CALN1: variants seen among roughly 807,000 people sequenced by gnomAD.
The protein encoded by CALN1 is calneuron 1.
CALN1 carries 17 observed loss-of-function variants against 30.6 expected under a neutral mutation model. The observed-to-expected ratio is 0.56, with a 90% CI of 0.38 to 0.83. CALN1 has a LOEUF of 0.83. CALN1 is among the 40% of genes least tolerant of loss of function. The probability of loss-of-function intolerance (pLI) is 0.00; values close to 1 mark genes in which losing one functional copy is unlikely to be tolerated. For missense variants in CALN1, 291 were observed against 354.9 expected (o/e 0.82, Z 1.45); for synonymous variants, 156 against 131.4 (o/e 1.19, Z -1.28).
chr7:72,360,586 T>A (rs1048108809), intron 2 of CALN1, among the ~76,000 whole-genome samples: 17 of 150,824 alleles, frequency 1.1e-4, no homozygotes, highest in African/African-American at 3.9e-4. Context: ...AAATAAATAC[T>A]GTAACACTTT....
At chr7:72,253,116 T>A (rs1795678491) in intron 3 of CALN1, among the ~76,000 whole-genome samples, 1 of 152,248 alleles carries the variant, frequency 6.6e-6, no homozygotes, top group Non-Finnish European at 1.5e-5. Context: ...CTGGACTTAG[T>A]CTCTTGGCTG....
At chr7:72,029,343 T>C (rs1442300483) in intron 4 of CALN1, among the ~76,000 whole-genome samples, 1 of 152,138 alleles carries the variant, frequency 6.6e-6, no homozygotes, top group African/African-American at 2.4e-5. Flanking sequence ...GCCAATCTTC[T>C]GACCTCGTGA....
intron 6 of CALN1, among the ~76,000 whole-genome samples, chr7:71,808,614 C>G (rs1312214013): frequency 6.6e-6 from 1 of 152,096 alleles, no homozygotes. Context: ...AAAGGCCTTA[C>G]TTCGAATTTA....
chr7:72,411,818 C>G (rs1807176784), intron 1 of CALN1, among the ~76,000 whole-genome samples: 1 of 151,862 alleles, frequency 6.6e-6, no homozygotes. Flanking sequence ...AAGAAAAGAA[C>G]CAAACAATTG....
intron 3 of CALN1, among the ~76,000 whole-genome samples, chr7:72,107,167 A>C (rs893824294): frequency 2.6e-5 from 4 of 152,074 alleles, no homozygotes; most frequent in Admixed American, 6.6e-5. Flanking sequence ...AGCAAAGATG[A>C]GGATTTGGTT....
intron 5 of CALN1, among the ~76,000 whole-genome samples, chr7:71,831,078 A>G (rs1789247446): frequency 6.6e-6 from 1 of 152,000 alleles, no homozygotes; most frequent in African/African-American, 2.4e-5. Flanking sequence ...GAGCTAATGG[A>G]CTCATAATCT....
At chr7:72,171,931 G>C (rs1789001087) in intron 3 of CALN1, among the ~76,000 whole-genome samples, 1 of 152,064 alleles carries the variant, frequency 6.6e-6, no homozygotes. Context: ...AAGAAACTGG[G>C]GTCCAGAAAG....
chr7:72,180,715 C>T (rs1335054817), intron 3 of CALN1, among the ~76,000 whole-genome samples: 1 of 150,902 alleles, frequency 6.6e-6, no homozygotes, highest in Non-Finnish European at 1.5e-5. Context: ...TCAAGTGATC[C>T]TCCAGCCTCA....
chr7:72,466,649 A>T, the CALN1 span, among the ~76,000 whole-genome samples: 1 of 152,130 alleles, frequency 6.6e-6, no homozygotes, highest in South Asian at 2.1e-4. Context: ...AGGCTGAGGC[A>T]GGAGAATTGC....
chr7:72,127,539 G>A (rs2129542626), intron 3 of CALN1, among the ~76,000 whole-genome samples: 1 of 152,286 alleles, frequency 6.6e-6, no homozygotes, highest in East Asian at 1.9e-4. Context: ...TCCAAAGGAT[G>A]ACAGCAGCGG....
intron 5 of CALN1, among the ~76,000 whole-genome samples, chr7:71,813,322 G>A (rs928370323): frequency 6.6e-6 from 1 of 152,114 alleles, no homozygotes; most frequent in Non-Finnish European, 1.5e-5. Flanking sequence ...TGAGATTACA[G>A]GCACTGCACC....
At chr7:72,319,924 T>C (rs754112079) in intron 2 of CALN1, among the ~76,000 whole-genome samples, 8 of 151,992 alleles carry the variant, frequency 5.3e-5, no homozygotes, top group Non-Finnish European at 1.2e-4. Flanking sequence ...CGGGCGATGG[T>C]TACACTAACA....
chr7:71,818,196 G>T (rs1346033991), intron 5 of CALN1, among the ~76,000 whole-genome samples: 1 of 152,054 alleles, frequency 6.6e-6, no homozygotes, highest in African/African-American at 2.4e-5. Flanking sequence ...TGGGGGTGAA[G>T]GGTGGGTCAG....
intron 2 of CALN1, among the ~76,000 whole-genome samples, chr7:72,313,149 TA>T (rs1800176353): frequency 6.6e-6 from 1 of 152,000 alleles, no homozygotes; most frequent in African/African-American, 2.4e-5. Flanking sequence ...ATAAAGTTAC[TA>T]AAATTAAACC....
At chr7:71,790,206 G>C (rs977671329) in intron 6 of CALN1, among the ~76,000 whole-genome samples, 1 of 146,350 alleles carries the variant, frequency 6.8e-6, no homozygotes, top group African/African-American at 2.5e-5. Flanking sequence ...GAGAAACAAA[G>C]AAAGAAAGAA....
chr7:72,461,664 G>A, the CALN1 span, among the ~76,000 whole-genome samples: 1 of 152,178 alleles, frequency 6.6e-6, no homozygotes, highest in Non-Finnish European at 1.5e-5. Flanking sequence ...GAGGGGAGCA[G>A]TTTGCTACTC....
chr7:72,159,847 A>G (rs1787973904), intron 3 of CALN1, among the ~76,000 whole-genome samples: 1 of 152,204 alleles, frequency 6.6e-6, no homozygotes, highest in Admixed American at 6.5e-5. Flanking sequence ...ATATTTAGAA[A>G]GAAGAATTGA....
chr7:71,801,920 G>A (rs1413225272), intron 6 of CALN1, among the ~76,000 whole-genome samples: 1 of 152,000 alleles, frequency 6.6e-6, no homozygotes, highest in African/African-American at 2.4e-5. Context: ...GGAGGTTGCA[G>A]GGAGTTGAGA....
chr7:71,927,458 C>T (rs551656955), intron 5 of CALN1, among the ~76,000 whole-genome samples: 1 of 152,304 alleles, frequency 6.6e-6, no homozygotes, highest in Non-Finnish European at 1.5e-5. Context: ...GATCCACCCG[C>T]CTCAGCCTTC....
Sources: allele counts gnomAD v4.1 joint callset (sites outside exome capture counted in the v4.1 genomes callset), GRCh38; gene constraint gnomAD v4.1.1; transcripts MANE v1.5; gene names NCBI Gene and HGNC (gene_info 2026-07-23, HGNC 2026-07-21).